Variants in OTUB1 observed in about 807,000 individuals in gnomAD.
OTUB1 encodes the protein OTU deubiquitinase, ubiquitin aldehyde binding 1.
OTUB1 carries 10 observed loss-of-function variants against 35.8 expected under a neutral mutation model. The ratio of observed to expected loss-of-function variants is 0.28; its 90% confidence interval spans 0.17 to 0.47. The LOEUF is 0.47. Ranked by LOEUF, OTUB1 falls within the 20% of genes least tolerant of loss-of-function variation. The probability of loss-of-function intolerance (pLI) is 0.99; values close to 1 mark genes in which losing one functional copy is unlikely to be tolerated. For synonymous variants in OTUB1, 158 were observed against 143.8 expected (o/e 1.10, Z -0.71); for missense variants, 264 against 351.6 (o/e 0.75, Z 1.99).
At chr11:63,987,802 G>C (rs1486503902) in intron 1 of OTUB1, among the ~76,000 whole-genome samples, 1 of 152,122 alleles carries the variant, frequency 6.6e-6, no homozygotes, top group African/African-American at 2.4e-5. Context: ...CTGCTTCCTC[G>C]TCCTACTTTC....
intron 1 of OTUB1, chr11:63,986,751 G>A (rs1270122031): frequency 3.9e-6 from 2 of 509,122 alleles, no homozygotes; most frequent in Admixed American, 3.8e-5. Context: ...CTTCTCCATC[G>A]TGTGCGCCCG....
Position 63,986,444 on chromosome 11 carries a change from G to C in OTUB1, c.-13G>C, listed in dbSNP as rs1342960979. The C allele has an allele frequency of 1.3e-6, 2 of 1,553,210 alleles. No homozygotes were observed. The highest frequency in any genetic ancestry group is 2.7e-5 in the African/African-American group (2 of 73,098). On this transcript the variant is annotated 5_prime_UTR_variant, in exon 1 of 7. Coordinates refer to ENST00000538426, the MANE Select transcript of OTUB1 (RefSeq NM_017670.3). Reference sequence around the variant, plus strand: ...CAACCCGGAAGCGGTCGGTAGTGCGGCGCTGTTTAAAGATGGCGGCGGAGG... The same window carrying C: ...CAACCCGGAAGCGGTCGGTAGTGCGCCGCTGTTTAAAGATGGCGGCGGAGG...
Position 63,997,367 on chromosome 11 carries a change from A to G in OTUB1, c.637A>G (p.Lys213Glu). 1 of 1,614,046 alleles carries G rather than the reference A, an allele frequency of 6.2e-7. No individual in the cohort carries two copies. The highest frequency in any genetic ancestry group is 8.5e-7 in the Non-Finnish European group (1 of 1,179,998). Residue 213 changes from lysine (K) to glutamate (E), a missense_variant, in exon 7 of 7, where the codon AAG becomes GAG. By Grantham distance (56) the Lys-to-Glu change is moderately conservative (BLOSUM62 1). Transcript: ENST00000538426. ...FCQQEVEPMC[K>E]ESDHIHIIAL... ...GCCACAGGAGGTGGAGCCCATGTGC[A>G]AGGAGAGCGACCACATCCACATCAT...
intron 1 of OTUB1, 149 bp from the exon 2 acceptor site, chr11:63,988,188 T>C (rs531183204): frequency 8.3e-5 from 51 of 613,736 alleles, no homozygotes; most frequent in Non-Finnish European, 1.3e-4. Context: ...GGCAGGAGAA[T>C]TGCTTGCATC....
At position 63,997,782 on chromosome 11, in the gene OTUB1, CT is replaced by C; in HGVS notation, c.*240del. The C allele has an allele frequency of 1.4e-6, 1 of 700,750 alleles. No individual in the cohort carries two copies. The highest frequency in any genetic ancestry group is 1.7e-5 in the African/African-American group (1 of 57,276). The allele number at this position is 700,750 out of a possible 1,614,324, so 43.4% of individuals were successfully genotyped here. A position where few individuals can be genotyped will look rare whatever the true frequency, so the allele number is the denominator to read the frequency against. On this transcript the variant is annotated 3_prime_UTR_variant, in exon 7 of 7. Transcript: ENST00000538426. ...CCCTCCCCCCAGGTGGGTCCCCCTG[CT>C]TTTCACCTATCTACTCCTGAGCTTC...
At position 63,997,776 on chromosome 11, in the gene OTUB1, C is replaced by T. The variant is rs1319994745; in HGVS notation, c.*230C>T. 1.1e-5 allele frequency: 8 copies of T among 701,010 alleles called. No homozygotes were observed. The highest frequency in any genetic ancestry group is 2.1e-5 in the Non-Finnish European group (8 of 385,116). 43.4% of individuals were successfully genotyped at this position (701,010 alleles called of 1,614,324 possible). A position where few individuals can be genotyped will look rare whatever the true frequency, so the allele number is the denominator to read the frequency against. ...GCTGCCCCCTCCCCCCAGGTGGGTC[C>T]CCCTGCTTTTCACCTATCTACTCCT... On this transcript the variant is annotated 3_prime_UTR_variant, in exon 7 of 7. Transcript: ENST00000538426.
In OTUB1 at chr11:63,986,475, C is replaced by G; in HGVS notation, c.19C>G (p.Gln7Glu). 2 of 1,555,330 alleles carry G rather than the reference C, an allele frequency of 1.3e-6. No homozygotes were observed. Among genetic ancestry groups the G allele is most frequent in the African/African-American group, 1.4e-5 (1 of 73,308 alleles). MAAEEP[Q>E]QQKQEPLGSD... ...TTTAAAGATGGCGGCGGAGGAACCT[C>G]AGCAGCAGAAGCAGGAGCCGCTGGG... Residue 7 changes from glutamine (Q) to glutamate (E), a missense_variant, in exon 1 of 7, where the codon CAG becomes GAG. Gln to Glu is a conservative substitution (Grantham distance 29). Transcript: ENST00000538426.
At chr11:63,987,487 C>T (rs986263204) in intron 1 of OTUB1, among the ~76,000 whole-genome samples, 8 of 152,144 alleles carry the variant, frequency 5.3e-5, no homozygotes, top group Non-Finnish European at 1.0e-4. Context: ...TCCTAGAGCA[C>T]GTACTGGTAT....
intron 4 of OTUB1, 59 bp downstream of exon 4, chr11:63,996,707 A>G (rs780041337): frequency 2.0e-5 from 32 of 1,613,376 alleles, no homozygotes; most frequent in African/African-American, 4.0e-5. Flanking sequence ...TCCCCGGGCG[A>G]GTAGGATGTG....
rs747104977 is a variant in OTUB1 at position 63,996,871 on chromosome 11, C to G, written c.353C>G (p.Ser118Cys). Residue 118 changes from serine (S) to cysteine (C), a missense_variant, in exon 5 of 7, where the codon TCT (serine) becomes TGT (cysteine). Ser to Cys is a moderately radical substitution (Grantham distance 112). Transcript: ENST00000538426. ...CCCACCCCCAGGTTCAAGGCTGTGTCTGCCAAGAGCAAGGAAGACCTGGTG... is the reference window on the plus strand; with the variant it reads ...CCCACCCCCAGGTTCAAGGCTGTGTGTGCCAAGAGCAAGGAAGACCTGGTG... ...SKELQRFKAV[S>C]AKSKEDLVSQ... 1.8e-5 allele frequency: 29 copies of G among 1,614,222 alleles called. No homozygotes were observed. The highest frequency in any genetic ancestry group is 2.4e-5 in the Non-Finnish European group (28 of 1,180,038).
chr11:63,995,912 C>T (rs1824654054), intron 3 of OTUB1, among the ~76,000 whole-genome samples: 1 of 152,030 alleles, frequency 6.6e-6, no homozygotes, highest in African/African-American at 2.4e-5. Flanking sequence ...GAGGCTGAGG[C>T]AGGGGAATCG....
rs1260593903 is a variant in OTUB1, at chr11:63,988,348, C to T, written c.70C>T (p.Leu24=). The T allele has an allele frequency of 2.6e-6, 4 of 1,553,570 alleles. No individual in the cohort carries two copies. The highest frequency in any genetic ancestry group is 1.4e-5 in the African/African-American group (1 of 73,386). ...TTTCCTTTTCCCAGGTGTTAACTGT[C>T]TGGCCTATGATGAAGCCATCATGGC... is the stretch of plus-strand genomic sequence containing the variant. ...LGSDSEGVNC[L]AYDEAIMAQQ... The change falls in exon 2 of 7, where the codon CTG becomes TTG. Residue 24 remains leucine (L), a synonymous_variant. Transcript: ENST00000538426.
Position 63,997,548 on chromosome 11 carries a change from G to T in OTUB1, c.*2G>T, listed in dbSNP as rs776958806. ...CACTACGATATCCTCTACAAATAGG[G>T]CTGGCTCCAGCCCGCTGCTGCCCTG... On this transcript the variant is annotated 3_prime_UTR_variant, in exon 7 of 7. Coordinates refer to ENST00000538426, the MANE Select transcript of OTUB1 (RefSeq NM_017670.3). 3.7e-6 allele frequency: 6 copies of T among 1,612,460 alleles called. No individual in the cohort carries two copies. The African/African-American group carries it at 8.0e-5, about 22-fold the overall frequency.
intron 1 of OTUB1, 95 bp downstream of exon 1, chr11:63,986,609 CTG>C: frequency 8.5e-7 from 1 of 1,181,598 alleles, no homozygotes; most frequent in Non-Finnish European, 1.2e-6. Context: ...GCCGCTGGCT[CTG>C]GGGTCGAGGT....
At position 63,986,488 on chromosome 11, in the gene OTUB1, A is replaced by C. The variant is rs199517144; in HGVS notation, c.32A>C (p.Gln11Pro). 6 of 1,553,918 alleles carry C rather than the reference A, an allele frequency of 3.9e-6. No homozygotes were observed. In the East Asian group the frequency reaches 7.3e-5, roughly 19 times the overall value. The part of the protein sequence containing the change: MAAEEPQQQK[Q>P]EPLGSDSEGV... ...GCGGAGGAACCTCAGCAGCAGAAGC[A>C]GGAGCCGCTGGGCAGCGACTCCGAA... The change falls in exon 1 of 7, where the codon CAG (glutamine) becomes CCG (proline). Residue 11 changes from glutamine (Q) to proline (P), a missense_variant. Gln to Pro is a moderately conservative substitution (Grantham distance 76, BLOSUM62 -1). Around this residue, in one of 2 missense-constraint regions of OTUB1, gnomAD observed 50 missense variants for 34.5 expected, o/e 1.45. Transcript: ENST00000538426.
chr11:63,996,694 T>C, intron 4 of OTUB1, 46 bp downstream of exon 4: 1 of 1,613,876 alleles, frequency 6.2e-7, no homozygotes, highest in Non-Finnish European at 8.5e-7. Context: ...GGTGTCTACC[T>C]CCTCCCCGGG....
intron 3 of OTUB1, among the ~76,000 whole-genome samples, chr11:63,993,722 A>G (rs1942693388): frequency 6.6e-6 from 1 of 151,604 alleles, no homozygotes. Flanking sequence ...TATAATTTAC[A>G]TTTTTGTAGA....
At chr11:63,995,347 C>T (rs942130027) in intron 3 of OTUB1, among the ~76,000 whole-genome samples, 4 of 152,180 alleles carry the variant, frequency 2.6e-5, no homozygotes, top group Non-Finnish European at 4.4e-5. Context: ...CAGGCATGCA[C>T]CACCATGCCG....
At chr11:63,996,752 T>C (rs750360648) in intron 4 of OTUB1, 104 bp downstream of exon 4, 2 of 1,610,170 alleles carry the variant, frequency 1.2e-6, no homozygotes, top group Non-Finnish European at 8.5e-7. Context: ...TCCCGGGCGA[T>C]GGGCTGGACT....
Sources: allele counts gnomAD v4.1 joint callset (sites outside exome capture counted in the v4.1 genomes callset), GRCh38; gene constraint gnomAD v4.1.1; regional missense constraint gnomAD v4.1.1; transcripts MANE v1.5; gene names NCBI Gene and HGNC (gene_info 2026-07-23, HGNC 2026-07-21).